The following TFEB variants were observed in gnomAD, a reference collection of about 807,000 sequenced individuals.
The protein encoded by TFEB is T-cell transcription factor EB.
TFEB carries 12 observed loss-of-function variants against 48.0 expected under a neutral mutation model. The ratio of observed to expected loss-of-function variants is 0.25; its 90% CI spans 0.16 to 0.40. The LOEUF (loss-of-function observed/expected upper bound fraction) is 0.40, where lower values mean the gene tolerates loss of function less well. TFEB is among the 10% of genes least tolerant of loss of function. The pLI is 1.00. For missense variants in TFEB, 509 were observed against 640.3 expected (o/e 0.79, Z 2.21); for synonymous variants, 244 against 261.4 (o/e 0.93, Z 0.64).
intron 1 of TFEB, among the ~76,000 whole-genome samples, chr6:41,729,730 G>A (rs1771373167): frequency 6.6e-6 from 1 of 152,220 alleles, no homozygotes; most frequent in African/African-American, 2.4e-5. Context: ...GGGGAGGTGG[G>A]GACAGGTGGA....
At position 41,723,519 on chromosome 6, in the gene TFEB, C is replaced by A; in HGVS notation, c.-23+11831G>T. 1.6e-6 allele frequency: 2 copies of A among 1,288,420 alleles called. No homozygotes were observed. Among genetic ancestry groups the A allele is most frequent in the Non-Finnish European group, 2.0e-6 (2 of 988,426 alleles). 79.8% of individuals were successfully genotyped at this position (1,288,420 alleles called of 1,614,324 possible). On this transcript the variant is annotated intron_variant, in intron 1 of 8. Coordinates refer to ENST00000373033, the MANE Select transcript of TFEB (RefSeq NM_001271944.2). This position sits in a 1 kb window ranked among gnomAD's most constrained non-coding sequence, Gnocchi z 6.0. ...TGGAATGCTCAGCTCCTCCAGGGGC[C>A]GGAGCCCAGGGCCGCACCCCAGCCC...
upstream of TFEB, among the ~76,000 whole-genome samples, chr6:41,735,846 GCTCA>G (rs552582820): frequency 1.3e-3 from 191 of 152,316 alleles, no homozygotes; most frequent in African/African-American, 4.5e-3. Context: ...CCAAACCAGG[GCTCA>G]CTAAGATACA....
Position 41,730,914 on chromosome 6 carries a change from C to A in TFEB, c.-23+4436G>T, listed in dbSNP as rs1335610621. 6.6e-6 allele frequency among the ~76,000 whole-genome samples: 1 copy of A among 152,164 alleles called. No individual in the cohort carries two copies. Among genetic ancestry groups the A allele is most frequent in the Non-Finnish European group, 1.5e-5 (1 of 68,030 alleles). ...AAGCCCCCTGCACCGTCTTATTCAA[C>A]AAGGAGAGGAGGCTGGTGTGGTGGG... On this transcript the variant is annotated intron_variant, in intron 1 of 8. Coordinates refer to ENST00000373033, the MANE Select transcript of TFEB (RefSeq NM_001271944.2). This position sits in a 1 kb window ranked among gnomAD's most constrained non-coding sequence, Gnocchi z 4.1.
Position 41,723,688 on chromosome 6 carries a change from GCCCCGACGGCACAGT to G in TFEB, c.-23+11647_-23+11661del. The stretch of plus-strand genomic sequence containing the variant: ...TTACTCACAGCACAGAGGGAACTGC[GCCCCGACGGCACAGT>G]CCCACACCGCAGCCTACCCAACACA... On this transcript the variant is annotated intron_variant, in intron 1 of 8. Transcript: ENST00000373033. This position sits in a 1 kb window ranked among gnomAD's most constrained non-coding sequence, Gnocchi z 6.0. 1 of 473,126 alleles carries G rather than the reference GCCCCGACGGCACAGT, an allele frequency of 2.1e-6. No individual in the cohort carries two copies. 29.3% of individuals were successfully genotyped at this position (473,126 alleles called of 1,614,324 possible).
intron 1 of TFEB, among the ~76,000 whole-genome samples, chr6:41,702,988 C>T (rs4620117): frequency 0.095 from 14,527 of 152,262 alleles, 904 homozygotes; most frequent in Non-Finnish European, 0.13. Context: ...AGGGCTGGTC[C>T]GGTGGAATCG....
chr6:41,718,349 C>T (rs905977514), intron 1 of TFEB, among the ~76,000 whole-genome samples: 2 of 152,030 alleles, frequency 1.3e-5, no homozygotes, highest in Admixed American at 1.3e-4. Context: ...GCTGGGACTA[C>T]AGGCATGCAT....
chr6:41,705,417 G>T (rs1030251410), intron 1 of TFEB, among the ~76,000 whole-genome samples: 1 of 152,180 alleles, frequency 6.6e-6, no homozygotes, highest in African/African-American at 2.4e-5. Flanking sequence ...AGGTTGCTGG[G>T]GGGTAATCAG....
intron 1 of TFEB, among the ~76,000 whole-genome samples, chr6:41,712,895 C>A (rs1323130266): frequency 1.3e-5 from 2 of 152,214 alleles, no homozygotes; most frequent in Non-Finnish European, 2.9e-5. Context: ...CACCCACTCC[C>A]CCACCCGGCC....
intron 1 of TFEB, among the ~76,000 whole-genome samples, chr6:41,721,611 C>T (rs372153607): frequency 2.0e-5 from 3 of 152,220 alleles, no homozygotes; most frequent in South Asian, 2.1e-4. Flanking sequence ...CTGCCTGGCG[C>T]GTGGCCCTCT....
At position 41,734,671 on chromosome 6, in the gene TFEB, G is replaced by T. The variant is rs1042941150; in HGVS notation, c.-23+679C>A. Among the ~76,000 whole-genome samples, 2 of 151,858 alleles carry T rather than the reference G, an allele frequency of 1.3e-5. No individual in the cohort carries two copies. Among genetic ancestry groups the T allele is most frequent in the South Asian group, 4.1e-4 (2 of 4,822 alleles). ...GCGCTCCGGGGTTGGTGTTCCCCAGGGTCATAGAATAACCCACGGGGAGAA... is the reference window on the plus strand; with the variant it reads ...GCGCTCCGGGGTTGGTGTTCCCCAGTGTCATAGAATAACCCACGGGGAGAA... On this transcript the variant is annotated intron_variant, in intron 1 of 8. Coordinates refer to ENST00000373033, the MANE Select transcript of TFEB (RefSeq NM_001271944.2). The surrounding 1 kb of genome is among the most constrained non-coding windows in gnomAD (Gnocchi z 4.0).
intron 1 of TFEB, among the ~76,000 whole-genome samples, chr6:41,701,106 T>C (rs1162373236): frequency 1.3e-5 from 2 of 152,266 alleles, no homozygotes; most frequent in Non-Finnish European, 2.9e-5. Context: ...TCTCCGTGTC[T>C]GCTTCTCTTT....
In TFEB at chr6:41,691,071, G is replaced by A. The variant is rs112978677; in HGVS notation, c.143C>T (p.Pro48Leu). ...QQQQQQQLGG[P>L]PTPAINTPVH... The stretch of plus-strand genomic sequence containing the variant: ...GGGGGTATTGATGGCCGGGGTGGGC[G>A]GCCCTCCGAGCTGCTGCTGTTGCTG... Residue 48 changes from proline (P) to leucine (L), a missense_variant, in exon 2 of 9, where the codon CCG becomes CTG. By Grantham distance (98) the Pro-to-Leu change is moderately conservative. Coordinates refer to ENST00000373033, the MANE Select transcript of TFEB (RefSeq NM_001271944.2). The surrounding 1 kb of genome is among the most constrained non-coding windows in gnomAD (Gnocchi z 5.2). 264 of 1,571,350 alleles carry A rather than the reference G, an allele frequency of 1.7e-4. 1 individual carries two copies. In the African/African-American group the frequency reaches 1.9e-3, roughly 11 times the overall value.
chr6:41,691,477 T>C lies in TFEB; in HGVS notation c.-22-242A>G, dbSNP rs560297851. On this transcript the variant is annotated intron_variant, in intron 1 of 8. Coordinates refer to ENST00000373033, the MANE Select transcript of TFEB (RefSeq NM_001271944.2). The surrounding 1 kb of genome is among the most constrained non-coding windows in gnomAD (Gnocchi z 5.2). The stretch of plus-strand genomic sequence containing the variant: ...GTTCTGTCTTCTTCACTCATTGCAG[T>C]TGGTAAATCCCAAACTCTAAGAGTC... 5.9e-5 allele frequency: 41 copies of C among 695,340 alleles called. No homozygotes were observed. The East Asian group carries it at 7.6e-4, about 13-fold the overall frequency. The allele number at this position is 695,340 out of a possible 1,614,324, so 43.1% of individuals were successfully genotyped here.
chr6:41,686,508 CTTTTTTT>C, intron 7 of TFEB: 6 of 149,736 alleles, frequency 4.0e-5, no homozygotes, highest in Non-Finnish European at 6.2e-5. Flanking sequence ...GCCTACCTTT[CTTTTTTT>C]TTTTTTTTTT....
Position 41,687,821 on chromosome 6 carries a change from A to C in TFEB, c.671-12T>G, listed in dbSNP as rs1251670266. 1.9e-6 allele frequency: 3 copies of C among 1,613,350 alleles called. No individual in the cohort carries two copies. The highest frequency in any genetic ancestry group is 1.3e-5 in the African/African-American group (1 of 74,942). ...CCTGCTCTCAGCATCTGGAGGCCAA[A>C]AGAGAAGGAGAGAGGAGCTGGGAGG... On this transcript the variant is annotated splice_polypyrimidine_tract_variant and intron_variant, in intron 5 of 8. Transcript: ENST00000373033.
chr6:41,720,165 C>A lies in TFEB; in HGVS notation c.-23+15185G>T, dbSNP rs918623758. On this transcript the variant is annotated intron_variant, in intron 1 of 8. Transcript: ENST00000373033. This position sits in a 1 kb window ranked among gnomAD's most constrained non-coding sequence, Gnocchi z 4.1. The stretch of plus-strand genomic sequence containing the variant: ...CTGCCAATCAGTCCTAGGTTACTGC[C>A]TCTCCACCTGCCACCACAGCCCCTT... Among the ~76,000 whole-genome samples, 3 of 150,276 alleles carry A rather than the reference C, an allele frequency of 2.0e-5. No individual in the cohort carries two copies. Among genetic ancestry groups the A allele is most frequent in the African/African-American group, 7.3e-5 (3 of 41,346 alleles).
Position 41,684,717 on chromosome 6 carries a change from A to G in TFEB, c.1313T>C (p.Leu438Pro), listed in dbSNP as rs1258054412. Residue 438 changes from leucine to proline, a missense_variant, in exon 9 of 9, where the codon CTG becomes CCG. By Grantham distance (98) the Leu-to-Pro change is moderately conservative. Coordinates refer to ENST00000373033, the MANE Select transcript of TFEB (RefSeq NM_001271944.2). ...GGCCAGCGGTAGCAGTGAGTCGTCCAGGAGCATGAGGTCCAGATCCTTCTT... is the reference window on the plus strand; with the variant it reads ...GGCCAGCGGTAGCAGTGAGTCGTCCGGGAGCATGAGGTCCAGATCCTTCTT... The part of the protein sequence containing the change: ...LSKKDLDLML[L>P]DDSLLPLASD... The G allele has an allele frequency of 1.9e-6, 3 of 1,613,724 alleles. No individual in the cohort carries two copies. The highest frequency in any genetic ancestry group is 3.3e-5 in the Admixed American group (2 of 59,982).
chr6:41,691,027 G>T lies in TFEB; in HGVS notation c.187C>A (p.Pro63Thr). 6.3e-7 allele frequency: 1 copy of T among 1,575,594 alleles called. No homozygotes were observed. The highest frequency in any genetic ancestry group is 2.3e-5 in the East Asian group (1 of 43,294). ...TTCAACACCTCCCCAGGCACAGGTG[G>T]TGGCGACTGGAAGTGGACGGGGGTA... ...INTPVHFQSP[P>T]PVPGEVLKVQ... is the part of the protein sequence containing the mutation. Residue 63 changes from proline to threonine, a missense_variant, in exon 2 of 9, where the codon CCA becomes ACA. Pro to Thr is a conservative substitution (Grantham distance 38). Around this residue, in one of 4 missense-constraint regions of TFEB, gnomAD observed 251 missense variants for 317.2 expected, o/e 0.79. Coordinates refer to ENST00000373033, the MANE Select transcript of TFEB (RefSeq NM_001271944.2). The surrounding 1 kb of genome is among the most constrained non-coding windows in gnomAD (Gnocchi z 5.2).
At chr6:41,693,646 T>C (rs1769423299) in intron 1 of TFEB, among the ~76,000 whole-genome samples, 1 of 152,096 alleles carries the variant, frequency 6.6e-6, no homozygotes, top group Non-Finnish European at 1.5e-5. Context: ...AGGCAGGCAG[T>C]GGCCCTCACC....
Sources: gnomAD v4.1 joint callset for allele counts (sites outside exome capture counted in the v4.1 genomes callset) on GRCh38, gnomAD v4.1.1 for gene constraint, gnomAD v4.1.1 regional missense constraint, Gnocchi (gnomAD v3.1) non-coding constraint, MANE v1.5 for transcripts, NCBI Gene and HGNC (gene_info 2026-07-23, HGNC 2026-07-21) for gene names.